Variants in DLC1 observed in about 807,000 individuals in gnomAD.
DLC1 encodes the protein rho GTPase-activating protein 7.
A neutral mutation model predicts 140.3 loss-of-function variants in DLC1; 54 were observed. The ratio of observed to expected loss-of-function variants is 0.38; its 90% CI spans 0.31 to 0.48. The LOEUF (loss-of-function observed/expected upper bound fraction) is 0.48, where lower values mean the gene tolerates loss of function less well. DLC1 is among the 20% of genes least tolerant of loss of function. The pLI, the probability that DLC1 is intolerant of heterozygous loss-of-function variation, is 0.96. For synonymous variants in DLC1, 986 were observed against 728.1 expected, an observed-to-expected ratio of 1.35 and a Z score of -5.70; for missense variants, 2,536 against 1,907.0, an observed-to-expected ratio of 1.33 and a Z score of -6.14.
chr8:13,390,071 G>T (rs902247812), intron 4 of DLC1, among the ~76,000 whole-genome samples: 1 of 152,112 alleles, frequency 6.6e-6, no homozygotes, highest in Non-Finnish European at 1.5e-5. Context: ...GTGGGAGAAA[G>T]TATCTGTTTA....
chr8:13,141,543 C>G (rs1250214471), intron 5 of DLC1, among the ~76,000 whole-genome samples: 2 of 152,076 alleles, frequency 1.3e-5, no homozygotes, highest in African/African-American at 4.8e-5. Flanking sequence ...ACGTTTTGTG[C>G]TCATTTGAAC....
At chr8:13,271,854 T>C (rs574311399) in intron 5 of DLC1, among the ~76,000 whole-genome samples, 4 of 152,296 alleles carry the variant, frequency 2.6e-5, no homozygotes, top group African/African-American at 9.6e-5. Flanking sequence ...TTTTTAAATT[T>C]TTTGGAGAGA....
intron 1 of DLC1, among the ~76,000 whole-genome samples, chr8:13,523,322 A>G (rs1802815746): frequency 6.6e-6 from 1 of 152,158 alleles, no homozygotes; most frequent in Admixed American, 6.6e-5. Flanking sequence ...AGAAAAGAAG[A>G]GTCAAAAATG....
intron 4 of DLC1, among the ~76,000 whole-genome samples, chr8:13,311,175 C>T (rs1345642600): frequency 2.0e-5 from 3 of 152,144 alleles, no homozygotes; most frequent in Admixed American, 2.0e-4. Context: ...AGCTCTTTCT[C>T]TGTCATTTTG....
At chr8:13,199,854 T>C (rs994380961) in intron 5 of DLC1, among the ~76,000 whole-genome samples, 4 of 152,174 alleles carry the variant, frequency 2.6e-5, no homozygotes, top group Non-Finnish European at 5.9e-5. Flanking sequence ...GATGCTATGA[T>C]GCTTGGTTTC....
intron 1 of DLC1, among the ~76,000 whole-genome samples, chr8:13,506,154 T>C (rs1798678700): frequency 6.6e-6 from 1 of 151,902 alleles, no homozygotes. Context: ...GTGATATATA[T>C]ATGTGTGTAT....
rs1030992263 is a variant in DLC1 at position 13,276,700 on chromosome 8, T to A, written c.1348+28569A>T. 1.6e-5 allele frequency: 13 copies of A among 794,220 alleles called. No homozygotes were observed. The Admixed American group carries it at 1.7e-4, about 10-fold the overall frequency. The allele number at this position is 794,220 out of a possible 1,614,324, so 49.2% of individuals were successfully genotyped here. Reference sequence around the variant, plus strand: ...TGTGCAACCCAATGACTCACCTGGGTCCGCGCCGGGCTGCTCCTGGGTCAC... The same window carrying A: ...TGTGCAACCCAATGACTCACCTGGGACCGCGCCGGGCTGCTCCTGGGTCAC... On this transcript the variant is annotated intron_variant, in intron 5 of 17. Transcript: ENST00000276297.
intron 4 of DLC1, among the ~76,000 whole-genome samples, chr8:13,319,589 C>CAGCCA (rs1554496298): frequency 3.3e-5 from 5 of 151,402 alleles, no homozygotes; most frequent in Admixed American, 2.6e-4. Flanking sequence ...TCCTCCAGCG[C>CAGCCA]CAGCCATGTA....
At chr8:13,103,899 A>G (rs1285518685) in intron 7 of DLC1, among the ~76,000 whole-genome samples, 1 of 152,046 alleles carries the variant, frequency 6.6e-6, no homozygotes, top group African/African-American at 2.4e-5. Context: ...CTCCTTTCAT[A>G]GAAATAGAAA....
chr8:13,411,814 G>A (rs1367844707), intron 2 of DLC1, among the ~76,000 whole-genome samples: 1 of 152,066 alleles, frequency 6.6e-6, no homozygotes, highest in South Asian at 2.1e-4. Context: ...TGATTTATCT[G>A]TCAGATTAAA....
chr8:13,533,037 T>C (rs933913030), intron 1 of DLC1, among the ~76,000 whole-genome samples: 4 of 152,174 alleles, frequency 2.6e-5, no homozygotes, highest in Non-Finnish European at 2.9e-5. Flanking sequence ...GGAATAATTG[T>C]TAGATAAAAT....
chr8:13,532,829 T>C (rs147484111), intron 1 of DLC1, among the ~76,000 whole-genome samples: 63 of 152,286 alleles, frequency 4.1e-4, no homozygotes, highest in African/African-American at 1.4e-3. Flanking sequence ...CTGTAGACCC[T>C]CATCCCCCCA....
chr8:13,514,520 T>G, intron 1 of DLC1, 82 bp downstream of exon 1: 3 of 398,342 alleles, frequency 7.5e-6, no homozygotes, highest in African/African-American at 2.1e-5. Context: ...ACCAACTCCG[T>G]GCAAGATGCT....
intron 5 of DLC1, among the ~76,000 whole-genome samples, chr8:13,285,203 A>G (rs933741868): frequency 7.2e-5 from 11 of 152,212 alleles, no homozygotes; most frequent in Admixed American, 3.9e-4. Flanking sequence ...ATGGAACAGA[A>G]CCAAGATTCC....
At chr8:13,226,220 A>G (rs531152126) in intron 5 of DLC1, among the ~76,000 whole-genome samples, 21 of 152,216 alleles carry the variant, frequency 1.4e-4, no homozygotes, top group Non-Finnish European at 3.1e-4. Flanking sequence ...AGCCTGATTA[A>G]TAAATTTGAA....
chr8:13,211,131 C>T (rs749662177), intron 5 of DLC1, among the ~76,000 whole-genome samples: 12 of 152,104 alleles, frequency 7.9e-5, no homozygotes, highest in East Asian at 5.8e-4. Flanking sequence ...AACAGTGCCA[C>T]GACAGTTTAT....
In DLC1 at chr8:13,599,559, A is replaced by G. The variant is rs547430143; in HGVS notation, c.-126+4978T>C. 4.6e-5 allele frequency among the ~76,000 whole-genome samples: 7 copies of G among 152,152 alleles called. No individual in the cohort carries two copies. In the East Asian group the frequency reaches 9.7e-4, roughly 21 times the overall value. ...CCAATGAAGAAGGCATGAACAAAGA[A>G]CAAACCAAGAACCTAAATATCTAGA... is the stretch of plus-strand genomic sequence containing the variant. On this transcript the variant is annotated intron_variant, in intron 1 of 1. Transcript: ENST00000631382.
intron 7 of DLC1, among the ~76,000 whole-genome samples, chr8:13,103,405 T>C (rs1819273513): frequency 6.6e-6 from 1 of 152,130 alleles, no homozygotes; most frequent in Admixed American, 6.5e-5. Context: ...TATATTTTAG[T>C]GTGAAATGGC....
chr8:13,485,775 G>T (rs1563388649), intron 2 of DLC1, among the ~76,000 whole-genome samples: 1 of 152,086 alleles, frequency 6.6e-6, no homozygotes, highest in African/African-American at 2.4e-5. Flanking sequence ...AATAACTATC[G>T]GGTATGAAAT....
Sources: allele counts gnomAD v4.1 joint callset (sites outside exome capture counted in the v4.1 genomes callset), GRCh38; gene constraint gnomAD v4.1.1; transcripts MANE v1.5; gene names NCBI Gene and HGNC (gene_info 2026-07-23, HGNC 2026-07-21).